The following RTN4 variants were observed in gnomAD, a reference collection of about 807,000 sequenced individuals.
The protein encoded by RTN4 is reticulon-4.
Under a neutral mutation model 90.4 loss-of-function variants are expected in RTN4, and 32 were observed. The ratio of observed to expected loss-of-function variants is 0.35; its 90% CI spans 0.27 to 0.48. The LOEUF (loss-of-function observed/expected upper bound fraction) is 0.48. Ranked by LOEUF, RTN4 falls within the 20% of genes least tolerant of loss-of-function variation. The probability of loss-of-function intolerance (pLI) is 0.99; values close to 1 mark genes in which losing one functional copy is unlikely to be tolerated. For synonymous variants in RTN4, 629 were observed against 552.5 expected, an observed-to-expected ratio of 1.14 and a Z score of -1.94; for missense variants, 1,706 against 1,430.2, an observed-to-expected ratio of 1.19 and a Z score of -3.11.
At chr2:55,087,558 GCTACACA>G (rs2105039938) in intron 1 of RTN4, among the ~76,000 whole-genome samples, 1 of 152,118 alleles carries the variant, frequency 6.6e-6, no homozygotes, top group Non-Finnish European at 1.5e-5. Context: ...CTCTTTCACT[GCTACACA>G]CCATTCTAGT....
chr2:55,067,516 G>T (rs973931443), intron 2 of RTN4, among the ~76,000 whole-genome samples: 1 of 151,624 alleles, frequency 6.6e-6, no homozygotes, highest in African/African-American at 2.4e-5. Flanking sequence ...GGGTTCAAGT[G>T]ATTCTTGTGC....
chr2:54,995,383 G>T lies in RTN4; in HGVS notation c.3014-7685C>A, dbSNP rs527928722. Among the ~76,000 whole-genome samples the T allele has an allele frequency of 2.0e-5, 3 of 152,162 alleles. No individual in the cohort carries two copies. In the South Asian group the frequency reaches 6.2e-4, roughly 32 times the overall value. On this transcript the variant is annotated intron_variant, in intron 3 of 8. Coordinates refer to ENST00000337526, the MANE Select transcript of RTN4 (RefSeq NM_020532.5). Reference sequence around the variant, plus strand: ...AGTGATGGTGGTTGTAGTGGTGGTGGGTTAAATCAAGGAACAAATGTCTGC... The same window carrying T: ...AGTGATGGTGGTTGTAGTGGTGGTGTGTTAAATCAAGGAACAAATGTCTGC...
the RTN4 span, among the ~76,000 whole-genome samples, chr2:55,120,858 C>T: frequency 6.6e-6 from 1 of 152,060 alleles, no homozygotes; most frequent in African/African-American, 2.4e-5. Context: ...GGGTCTCCGG[C>T]TTACACACAC....
chr2:55,007,913 C>T (rs1680350569), intron 3 of RTN4, among the ~76,000 whole-genome samples: 1 of 152,040 alleles, frequency 6.6e-6, no homozygotes, highest in Non-Finnish European at 1.5e-5. Context: ...TCTCCTACCC[C>T]ATCCAAATCC....
chr2:55,042,195 G>C (rs1262924980), intron 1 of RTN4, among the ~76,000 whole-genome samples: 2 of 152,126 alleles, frequency 1.3e-5, no homozygotes, highest in Non-Finnish European at 2.9e-5. Context: ...GGGAATAAAG[G>C]TTGGAACCAT....
At chr2:55,048,924 C>T (rs1368307138) in intron 1 of RTN4, among the ~76,000 whole-genome samples, 1 of 152,114 alleles carries the variant, frequency 6.6e-6, no homozygotes, top group Non-Finnish European at 1.5e-5. Context: ...GCCAAGTCCA[C>T]ACTAACAGCA....
upstream of RTN4, among the ~76,000 whole-genome samples, chr2:55,114,655 C>T (rs373610782): frequency 4.2e-4 from 64 of 152,254 alleles, no homozygotes; most frequent in African/African-American, 1.5e-3. Context: ...GCCAAGATTG[C>T]GGCACTGCAC....
rs1681807375 is a variant in RTN4 at position 55,025,805 on chromosome 2, A to G, written c.2294T>C (p.Met765Thr). The G allele has an allele frequency of 2.5e-6, 4 of 1,613,694 alleles. No homozygotes were observed. The highest frequency in any genetic ancestry group is 3.4e-6 in the Non-Finnish European group (4 of 1,179,800). ...DVPQKQDETV[M>T]LVKESLTETS... ...CTCAGTGAGACTTTCTTTCACAAGCATCACAGTTTCATCTTGTTTTTGTGG... is the reference window on the plus strand; with the variant it reads ...CTCAGTGAGACTTTCTTTCACAAGCGTCACAGTTTCATCTTGTTTTTGTGG... Residue 765 changes from methionine (M) to threonine (T), a missense_variant, in exon 3 of 9, where the codon ATG becomes ACG. Met to Thr is a moderately conservative substitution (Grantham distance 81). Transcript: ENST00000337526.
chr2:55,070,747 T>TG (rs1668494417), intron 2 of RTN4, among the ~76,000 whole-genome samples: 1 of 69,048 alleles, frequency 1.4e-5, no homozygotes, highest in South Asian at 4.5e-4. Context: ...CTGTTTTGAT[T>TG]TTTGTTGTTG....
At chr2:54,995,270 C>CA (rs1302759687) in intron 3 of RTN4, among the ~76,000 whole-genome samples, 1 of 151,624 alleles carries the variant, frequency 6.6e-6, no homozygotes, top group Admixed American at 6.6e-5. Context: ...AATAAAGACT[C>CA]AAAACACTTC....
intron 1 of RTN4, among the ~76,000 whole-genome samples, chr2:55,038,253 C>T (rs1375264565): frequency 6.6e-6 from 1 of 151,952 alleles, no homozygotes; most frequent in Non-Finnish European, 1.5e-5. Context: ...AAAGAAAGCA[C>T]TAACCATGAA....
chr2:55,010,067 A>C, intron 3 of RTN4: 2 of 1,612,048 alleles, frequency 1.2e-6, no homozygotes, highest in Non-Finnish European at 8.5e-7. Context: ...ACTGAATAAG[A>C]AATTAAAAAG....
upstream of RTN4, among the ~76,000 whole-genome samples, chr2:55,116,319 A>C (rs868098081): frequency 1.3e-5 from 2 of 152,142 alleles, no homozygotes; most frequent in Non-Finnish European, 2.9e-5. Context: ...TGAAACAGAT[A>C]ATGGGAGAAA....
chr2:54,984,838 G>A, intron 4 of RTN4, among the ~76,000 whole-genome samples: 1 of 152,184 alleles, frequency 6.6e-6, no homozygotes, highest in East Asian at 1.9e-4. Flanking sequence ...AGGCACAGTG[G>A]TGCATGCCTG....
chr2:55,026,125 T>A lies in RTN4; in HGVS notation c.1974A>T (p.Pro658=). 1.2e-6 allele frequency: 2 copies of A among 1,613,506 alleles called. No homozygotes were observed. The highest frequency in any genetic ancestry group is 1.7e-6 in the Non-Finnish European group (2 of 1,179,812). The part of the protein sequence containing the change: ...SIKHEPENPP[P]YEEAMSVSLK... ...GTGATACACTCATGGCCTCTTCATA[T>A]GGTGGGGGGTTTTCAGGCTCATGTT... The change falls in exon 3 of 9, where the codon CCA becomes CCT. Residue 658 remains proline, a synonymous_variant. Transcript: ENST00000337526.
At position 55,096,425 on chromosome 2, in the gene RTN4, T is replaced by A. The variant is rs752468408; in HGVS notation, c.-213-15786A>T. On this transcript the variant is annotated intron_variant, in intron 1 of 3. Transcript: ENST00000427710. Reference sequence around the variant, plus strand: ...CTTCCAAGTGATTTTTGATTCCTCATTCTCCCATCCCTGGAATCTATCATT... The same window carrying A: ...CTTCCAAGTGATTTTTGATTCCTCAATCTCCCATCCCTGGAATCTATCATT... Among the ~76,000 whole-genome samples, 8 of 152,120 alleles carry A rather than the reference T, an allele frequency of 5.3e-5. No homozygotes were observed. The South Asian group carries it at 6.2e-4, about 12-fold the overall frequency.
intron 2 of RTN4, among the ~76,000 whole-genome samples, chr2:55,057,897 C>G (rs576990779): frequency 6.6e-6 from 1 of 152,082 alleles, no homozygotes; most frequent in Non-Finnish European, 1.5e-5. Context: ...ACGGGAGGAT[C>G]GCTTGAGCCA....
At chr2:55,004,461 G>GT (rs2104762199) in intron 3 of RTN4, among the ~76,000 whole-genome samples, 1 of 152,252 alleles carries the variant, frequency 6.6e-6, no homozygotes, top group South Asian at 2.1e-4. Context: ...AAACAGGAAA[G>GT]TTGGAATAAA....
rs769582007 is a variant in RTN4, at chr2:55,026,886, T to C, written c.1213A>G (p.Met405Val). Residue 405 changes from methionine to valine, a missense_variant, in exon 3 of 9, where the codon ATG becomes GTG. Met to Val is a conservative substitution (Grantham distance 21). Coordinates refer to ENST00000337526, the MANE Select transcript of RTN4 (RefSeq NM_020532.5). ...EVKDSKEDSD[M>V]LAAGGKIESN... ...TCGATTTTACCTCCAGCAGCCAACATATCACTATCTTCCTTACTATCTTTC... is the reference window on the plus strand; with the variant it reads ...TCGATTTTACCTCCAGCAGCCAACACATCACTATCTTCCTTACTATCTTTC... 8.7e-6 allele frequency: 14 copies of C among 1,613,758 alleles called. No individual in the cohort carries two copies. Among genetic ancestry groups the C allele is most frequent in the Non-Finnish European group, 1.7e-6 (2 of 1,179,900 alleles).
Sources: allele counts gnomAD v4.1 joint callset (sites outside exome capture counted in the v4.1 genomes callset), GRCh38; gene constraint gnomAD v4.1.1; transcripts MANE v1.5; gene names NCBI Gene and HGNC (gene_info 2026-07-23, HGNC 2026-07-21).